EYA1: variants seen among roughly 807,000 people sequenced by gnomAD.
EYA1 encodes protein phosphatase EYA1.
Under a neutral mutation model 82.0 loss-of-function variants are expected in EYA1, and 16 were observed. The ratio of observed to expected loss-of-function variants is 0.20; its 90% CI spans 0.13 to 0.30. The LOEUF is 0.30. EYA1 is among the 10% of genes least tolerant of loss of function. The pLI is 1.00. For synonymous variants in EYA1, 261 were observed against 264.4 expected (o/e 0.99, Z 0.12); for missense variants, 633 against 730.7 (o/e 0.87, Z 1.54).
intron 2 of EYA1, among the ~76,000 whole-genome samples, chr8:71,466,192 C>T (rs1224653402): frequency 6.6e-6 from 1 of 152,030 alleles, no homozygotes; most frequent in Non-Finnish European, 1.5e-5. Context: ...CTAAATATAA[C>T]CACAGAAATA....
chr8:71,203,484 G>A, intron 17 of EYA1, among the ~76,000 whole-genome samples: 1 of 152,182 alleles, frequency 6.6e-6, no homozygotes, highest in East Asian at 1.9e-4. Flanking sequence ...CTGAGCTTGA[G>A]CTGAATTTGA....
At chr8:71,356,363 T>C in intron 2 of EYA1, 99 bp downstream of exon 2, 1 of 1,002,602 alleles carries the variant, frequency 1.0e-6, no homozygotes, top group Non-Finnish European at 1.5e-6. Context: ...ACAGAGGCTG[T>C]TACTATTAAT....
intron 2 of EYA1, among the ~76,000 whole-genome samples, chr8:71,425,403 T>C (rs1057126703): frequency 6.6e-6 from 1 of 152,194 alleles, no homozygotes; most frequent in Non-Finnish European, 1.5e-5. Context: ...AGATAATGTA[T>C]GCTAATGATT....
chr8:71,231,965 T>C (rs1247375830), intron 12 of EYA1, among the ~76,000 whole-genome samples: 1 of 152,234 alleles, frequency 6.6e-6, no homozygotes, highest in Non-Finnish European at 1.5e-5. Context: ...CATAGCATCC[T>C]TGTGTGACAG....
chr8:71,343,434 T>C (rs1359228320), intron 3 of EYA1, among the ~76,000 whole-genome samples: 2 of 152,192 alleles, frequency 1.3e-5, no homozygotes, highest in African/African-American at 4.8e-5. Flanking sequence ...CACGAATGTA[T>C]TAATCCATTC....
At chr8:71,222,773 T>C (rs933352320) in intron 12 of EYA1, among the ~76,000 whole-genome samples, 1 of 152,246 alleles carries the variant, frequency 6.6e-6, no homozygotes, top group Non-Finnish European at 1.5e-5. Flanking sequence ...GATGCTGATG[T>C]CTTTGACCCT....
intron 2 of EYA1, among the ~76,000 whole-genome samples, chr8:71,390,272 T>C (rs1337283358): frequency 7.6e-6 from 1 of 131,010 alleles, no homozygotes; most frequent in East Asian, 2.1e-4. Flanking sequence ...TGGATAATTC[T>C]TTTTTTTTTT....
intron 2 of EYA1, among the ~76,000 whole-genome samples, chr8:71,482,601 A>C (rs1365894645): frequency 6.6e-6 from 1 of 152,244 alleles, no homozygotes; most frequent in Non-Finnish European, 1.5e-5. Flanking sequence ...TGTTCATGGT[A>C]ACATAATTCA....
At chr8:71,318,677 G>T (rs9643623) in intron 6 of EYA1, among the ~76,000 whole-genome samples, 8,956 of 152,136 alleles carry the variant, frequency 0.059, 767 homozygotes, top group East Asian at 0.43. Flanking sequence ...TAATAATTTT[G>T]CTTCGTACTT....
At chr8:71,494,930 TA>T (rs1234711160) in intron 2 of EYA1, among the ~76,000 whole-genome samples, 2 of 152,146 alleles carry the variant, frequency 1.3e-5, no homozygotes, top group East Asian at 3.9e-4. Context: ...TGCCATCTCT[TA>T]AGGCCTAAGC....
At chr8:71,306,937 G>A (rs1820798900) in intron 7 of EYA1, among the ~76,000 whole-genome samples, 3 of 152,180 alleles carry the variant, frequency 2.0e-5, no homozygotes, top group African/African-American at 7.2e-5. Context: ...AACCATGTCT[G>A]ACTCATGCCT....
intron 10 of EYA1, 75 bp downstream of exon 10, chr8:71,271,683 C>A: frequency 1.3e-6 from 2 of 1,534,288 alleles, no homozygotes; most frequent in East Asian, 2.2e-5. Context: ...CTGCTGTTTA[C>A]GTAGCAGGTA....
At chr8:71,445,524 C>G (rs1806806462) in intron 2 of EYA1, among the ~76,000 whole-genome samples, 1 of 152,154 alleles carries the variant, frequency 6.6e-6, no homozygotes, top group South Asian at 2.1e-4. Flanking sequence ...GCAATAGGAA[C>G]TGATTTTTTA....
intron 2 of EYA1, among the ~76,000 whole-genome samples, chr8:71,528,461 A>C (rs574419676): frequency 4.6e-5 from 7 of 152,266 alleles, no homozygotes; most frequent in Non-Finnish European, 5.9e-5. Context: ...GCCCAATGTG[A>C]ACTTTGACGT....
At chr8:71,385,278 A>C (rs1828913327) in intron 2 of EYA1, among the ~76,000 whole-genome samples, 1 of 152,144 alleles carries the variant, frequency 6.6e-6, no homozygotes, top group African/African-American at 2.4e-5. Context: ...CTAGAAACAT[A>C]TTCAGCAGCA....
intron 9 of EYA1, among the ~76,000 whole-genome samples, chr8:71,280,923 A>G: frequency 6.7e-6 from 1 of 148,942 alleles, no homozygotes; most frequent in Admixed American, 6.9e-5. Flanking sequence ...TAATTTTTAA[A>G]TTTTTTGTAA....
At chr8:71,543,120 A>G (rs900365768) in intron 1 of EYA1, among the ~76,000 whole-genome samples, 5 of 152,108 alleles carry the variant, frequency 3.3e-5, no homozygotes, top group Admixed American at 6.6e-5. Context: ...GCCCCTTCAT[A>G]TGTCCAGAAT....
rs1177233614 is a variant in EYA1 at position 71,382,885 on chromosome 8, T to C, written c.34-26374A>G. Among the ~76,000 whole-genome samples, 6 of 152,078 alleles carry C rather than the reference T, an allele frequency of 3.9e-5. No individual in the cohort carries two copies. The East Asian group carries it at 1.2e-3, about 29-fold the overall frequency. ...ATTTTGATTCTTAGTATTATAACAG[T>C]AGAAAATTGGCATCAGTCCACATTT... On this transcript the variant is annotated intron_variant, in intron 2 of 18. Transcript: ENST00000643681.
chr8:71,285,264 A>G (rs1017820289), intron 9 of EYA1, among the ~76,000 whole-genome samples: 2 of 152,236 alleles, frequency 1.3e-5, no homozygotes, highest in African/African-American at 2.4e-5. Context: ...ATCAATATAA[A>G]AGCTGAATCA....
Sources: gnomAD v4.1 joint callset for allele counts (sites outside exome capture counted in the v4.1 genomes callset) on GRCh38, gnomAD v4.1.1 for gene constraint, MANE v1.5 for transcripts, NCBI Gene and HGNC (gene_info 2026-07-23, HGNC 2026-07-21) for gene names.